Variants in SGCZ observed in about 807,000 individuals in gnomAD.
SGCZ encodes the protein zeta-sarcoglycan.
SGCZ carries 40 observed loss-of-function variants against 41.3 expected under a neutral mutation model. The observed-to-expected ratio is 0.97, with a 90% CI of 0.75 to 1.26. SGCZ has a LOEUF of 1.26. SGCZ is among the 50% of genes most tolerant of loss of function. The pLI is 0.00. For missense variants in SGCZ, 552 were observed against 369.8 expected, an observed-to-expected ratio of 1.49 and a Z score of -4.04; for synonymous variants, 206 against 137.5, an observed-to-expected ratio of 1.50 and a Z score of -3.49.
intron 1 of SGCZ, among the ~76,000 whole-genome samples, chr8:14,821,722 T>C (rs995725658): frequency 2.0e-5 from 3 of 151,970 alleles, no homozygotes; most frequent in African/African-American, 7.2e-5. Context: ...ATCCCTATGA[T>C]CATTTTAATA....
intron 1 of SGCZ, among the ~76,000 whole-genome samples, chr8:14,765,076 G>C (rs993474160): frequency 5.9e-5 from 9 of 152,128 alleles, no homozygotes; most frequent in Non-Finnish European, 1.2e-4. Flanking sequence ...AAGTACCTAA[G>C]AGTTCACTTC....
rs542940175 is a variant in SGCZ at position 15,221,108 on chromosome 8, C to T, written c.39+16477G>A. On this transcript the variant is annotated intron_variant, in intron 1 of 7. Transcript: ENST00000382080. ...AGCAAACCAACATGGCACATGTATA[C>T]CTATGTAACAAAACTGCATGTTGTT... 5.3e-5 allele frequency among the ~76,000 whole-genome samples: 8 copies of T among 152,092 alleles called. No individual in the cohort carries two copies. The East Asian group carries it at 9.7e-4, about 18-fold the overall frequency.
chr8:14,211,503 C>T (rs1805806145), intron 4 of SGCZ, among the ~76,000 whole-genome samples: 1 of 152,076 alleles, frequency 6.6e-6, no homozygotes, highest in Non-Finnish European at 1.5e-5. Context: ...TAAAGAAACA[C>T]CTGAGACTGG....
At chr8:14,360,661 G>T (rs1040325732) in intron 2 of SGCZ, among the ~76,000 whole-genome samples, 2 of 151,990 alleles carry the variant, frequency 1.3e-5, no homozygotes, top group Non-Finnish European at 2.9e-5. Flanking sequence ...TTATCGCTAA[G>T]TAGTACCCAT....
At chr8:14,671,898 G>A (rs1172731591) in intron 1 of SGCZ, among the ~76,000 whole-genome samples, 1 of 151,948 alleles carries the variant, frequency 6.6e-6, no homozygotes, top group Non-Finnish European at 1.5e-5. Context: ...ACATACTAAT[G>A]TAATTAATTA....
At chr8:14,902,079 T>C (rs1459962575) in intron 1 of SGCZ, among the ~76,000 whole-genome samples, 1 of 152,090 alleles carries the variant, frequency 6.6e-6, no homozygotes, top group Non-Finnish European at 1.5e-5. Context: ...TTTGGCTCCA[T>C]AAATGCCTAC....
At chr8:15,047,067 G>A (rs1585508686) in intron 1 of SGCZ, among the ~76,000 whole-genome samples, 1 of 151,916 alleles carries the variant, frequency 6.6e-6, no homozygotes. Flanking sequence ...ATAGTTCTAA[G>A]GCTTTGATGG....
intron 1 of SGCZ, among the ~76,000 whole-genome samples, chr8:14,760,023 G>A (rs2130350902): frequency 6.6e-6 from 1 of 152,296 alleles, no homozygotes; most frequent in South Asian, 2.1e-4. Context: ...TAATAACAGA[G>A]TGTTAGGTCT....
chr8:15,139,408 G>A lies in SGCZ; in HGVS notation c.39+98177C>T, dbSNP rs986696256. Reference sequence around the variant, plus strand: ...GTTGGGACTTAATAAACATAGTAAAGTGTCCTAAAGATGTTACTATTCATA... The same window carrying A: ...GTTGGGACTTAATAAACATAGTAAAATGTCCTAAAGATGTTACTATTCATA... On this transcript the variant is annotated intron_variant, in intron 1 of 7. Coordinates refer to ENST00000382080, the MANE Select transcript of SGCZ (RefSeq NM_139167.4). 2.0e-5 allele frequency among the ~76,000 whole-genome samples: 3 copies of A among 152,116 alleles called. No individual in the cohort carries two copies. The South Asian group carries it at 6.2e-4, about 31-fold the overall frequency.
intron 1 of SGCZ, among the ~76,000 whole-genome samples, chr8:15,176,731 G>A (rs1424204682): frequency 2.6e-5 from 4 of 152,220 alleles, no homozygotes; most frequent in Admixed American, 2.6e-4. Context: ...GCCGGACACA[G>A]TGGCTCACGC....
chr8:14,791,289 G>T (rs1800942862), intron 1 of SGCZ, among the ~76,000 whole-genome samples: 1 of 151,854 alleles, frequency 6.6e-6, no homozygotes, highest in African/African-American at 2.4e-5. Context: ...GTGTGAGATC[G>T]AATTTATTCT....
chr8:14,412,354 C>G lies in SGCZ; in HGVS notation c.235-88150G>C, dbSNP rs76625918. On this transcript the variant is annotated intron_variant, in intron 2 of 7. Transcript: ENST00000382080. Reference sequence around the variant, plus strand: ...CTGTGACACATAGTTTGCATCCAATCTACAGCAACTATTATAATTATGTGT... The same window carrying G: ...CTGTGACACATAGTTTGCATCCAATGTACAGCAACTATTATAATTATGTGT... Among the ~76,000 whole-genome samples the G allele has an allele frequency of 6.8e-3, 1,042 of 152,188 alleles. 15 individuals are homozygous for G. The highest frequency in any genetic ancestry group is 0.024 in the African/African-American group (981 of 41,544).
chr8:14,720,606 G>T (rs1038825529), intron 1 of SGCZ, among the ~76,000 whole-genome samples: 4 of 151,946 alleles, frequency 2.6e-5, no homozygotes, highest in African/African-American at 9.7e-5. Flanking sequence ...TGGCTCACAA[G>T]TAAAATCTGG....
intron 1 of SGCZ, among the ~76,000 whole-genome samples, chr8:14,717,996 G>GATATATATATATAGAT (rs1554487148): frequency 6.9e-6 from 1 of 144,920 alleles, no homozygotes; most frequent in African/African-American, 2.7e-5. Flanking sequence ...TCTAAAATAA[G>GATATATATATATAGAT]ATATATATAT....
At chr8:14,922,112 T>A (rs1799605116) in intron 1 of SGCZ, among the ~76,000 whole-genome samples, 1 of 152,070 alleles carries the variant, frequency 6.6e-6, no homozygotes, top group South Asian at 2.1e-4. Context: ...CTGCTTGATT[T>A]CAAATATCCC....
chr8:14,132,038 G>T (rs1212841219), intron 5 of SGCZ, among the ~76,000 whole-genome samples: 2 of 152,054 alleles, frequency 1.3e-5, no homozygotes, highest in Middle Eastern at 3.2e-3. Flanking sequence ...ATGCATGATT[G>T]TATTTTGCCC....
chr8:14,263,128 A>C (rs541937224), intron 3 of SGCZ, among the ~76,000 whole-genome samples: 6 of 152,354 alleles, frequency 3.9e-5, no homozygotes, highest in African/African-American at 1.4e-4. Context: ...TTAAGATATT[A>C]AACACTACAA....
chr8:14,913,328 A>C (rs1336271625), intron 1 of SGCZ, among the ~76,000 whole-genome samples: 1 of 152,112 alleles, frequency 6.6e-6, no homozygotes. Context: ...CTAAATATCC[A>C]GAACAACACT....
chr8:14,270,214 C>T (rs1260090562), intron 3 of SGCZ, among the ~76,000 whole-genome samples: 4 of 152,032 alleles, frequency 2.6e-5, no homozygotes, highest in Non-Finnish European at 5.9e-5. Flanking sequence ...TGTCTGTAAT[C>T]CCAGCTACTA....
Sources: gnomAD v4.1 joint callset for allele counts (sites outside exome capture counted in the v4.1 genomes callset) on GRCh38, gnomAD v4.1.1 for gene constraint, MANE v1.5 for transcripts, NCBI Gene and HGNC (gene_info 2026-07-23, HGNC 2026-07-21) for gene names.